Variants in CALN1 observed in about 807,000 individuals in gnomAD.
CALN1 encodes the protein calcium-binding protein 8.
Under a neutral mutation model 30.6 loss-of-function variants are expected in CALN1, and 17 were observed. The ratio of observed to expected loss-of-function variants is 0.56; its 90% CI spans 0.38 to 0.83. CALN1 has a LOEUF of 0.83. Among genes scored for constraint, CALN1 ranks in the 40% least tolerant of loss-of-function variants. The pLI, the probability that CALN1 is intolerant of heterozygous loss-of-function variation, is 0.00. For missense variants in CALN1, 291 were observed against 354.9 expected, an observed-to-expected ratio of 0.82 and a Z score of 1.45; for synonymous variants, 156 against 131.4, an observed-to-expected ratio of 1.19 and a Z score of -1.28.
intron 2 of CALN1, among the ~76,000 whole-genome samples, chr7:72,370,778 G>A (rs1051533917): frequency 3.7e-4 from 56 of 152,058 alleles, no homozygotes; most frequent in Middle Eastern, 3.4e-3. Context: ...GCTGGGCATG[G>A]GCTCATGCCT....
At chr7:71,997,317 GAGAGT>G (rs1337617974) in intron 5 of CALN1, among the ~76,000 whole-genome samples, 19 of 152,160 alleles carry the variant, frequency 1.2e-4, no homozygotes, top group African/African-American at 3.9e-4. Context: ...TACTGGATAG[GAGAGT>G]AGAGGACAGA....
chr7:72,099,798 G>A (rs1338593845), intron 4 of CALN1, among the ~76,000 whole-genome samples: 2 of 152,142 alleles, frequency 1.3e-5, no homozygotes, highest in Non-Finnish European at 2.9e-5. Flanking sequence ...GCTTTTACGT[G>A]ATGGGTCACC....
At chr7:72,458,304 A>C in the CALN1 span, among the ~76,000 whole-genome samples, 6 of 30,744 alleles carry the variant, frequency 2.0e-4, no homozygotes, top group African/African-American at 9.6e-4. Flanking sequence ...ATTCTATATT[A>C]TATAATATAT....
At chr7:72,155,551 C>CA (rs1787605352) in intron 3 of CALN1, among the ~76,000 whole-genome samples, 1 of 151,932 alleles carries the variant, frequency 6.6e-6, no homozygotes, top group African/African-American at 2.4e-5. Context: ...TTAAGCCACC[C>CA]ATTCTGTGAC....
rs113816688 is a variant in CALN1, at chr7:71,825,459, G to A, written c.502-14967C>T. Among the ~76,000 whole-genome samples, 132 of 152,144 alleles carry A rather than the reference G, an allele frequency of 8.7e-4. 1 individual carries two copies. Among genetic ancestry groups the A allele is most frequent in the African/African-American group, 2.8e-3 (118 of 41,538 alleles). On this transcript the variant is annotated intron_variant, in intron 5 of 6. Coordinates refer to ENST00000395275, the MANE Select transcript of CALN1 (RefSeq NM_031468.4). ...GTGGCTTTTATCATCGTATTAGTCC[G>A]TTTTCATGTTCTTCTAATGAAGACA...
chr7:72,104,848 T>C (rs1043479002), intron 4 of CALN1, among the ~76,000 whole-genome samples: 1 of 151,954 alleles, frequency 6.6e-6, no homozygotes, highest in Non-Finnish European at 1.5e-5. Flanking sequence ...TCCCAGCTAC[T>C]CTGAAAGGCT....
rs386410439 is a variant in CALN1 at position 72,197,178 on chromosome 7, C to CTTTTTTT, written c.244+81501_244+81507dup. ...TTTTCATTGTCAAATGGAAGGTTTG[C>CTTTTTTT]TTTTTTTTTTTTTTTTTTTTTTTTG... is the stretch of plus-strand genomic sequence containing the variant. On this transcript the variant is annotated intron_variant, in intron 3 of 6. Transcript: ENST00000395275. Among the ~76,000 whole-genome samples the CTTTTTTT allele has an allele frequency of 1.0e-3, 66 of 64,216 alleles. 9 individuals carry two copies. Among genetic ancestry groups the CTTTTTTT allele is most frequent in the East Asian group, 4.4e-3 (8 of 1,802 alleles). 42.1% of individuals were successfully genotyped at this position (64,216 alleles called of 152,430 possible).
intron 3 of CALN1, among the ~76,000 whole-genome samples, chr7:72,209,327 T>TC (rs1214496577): frequency 7.5e-4 from 17 of 22,674 alleles, no homozygotes; most frequent in Non-Finnish European, 1.1e-3. Context: ...CCTCCTTCCC[T>TC]CTTTCCTTCC....
chr7:72,271,454 T>C (rs1796964286), intron 3 of CALN1, among the ~76,000 whole-genome samples: 1 of 150,476 alleles, frequency 6.6e-6, no homozygotes, highest in South Asian at 2.1e-4. Context: ...GGGAGTGCCA[T>C]GGCACAATCA....
the CALN1 span, among the ~76,000 whole-genome samples, chr7:72,492,846 C>T: frequency 3.8e-3 from 585 of 152,286 alleles, 8 homozygotes; most frequent in African/African-American, 9.4e-3. Flanking sequence ...CTATCCAGGA[C>T]GTATGGACAA....
At chr7:72,149,055 G>A (rs1419761532) in intron 3 of CALN1, among the ~76,000 whole-genome samples, 2 of 152,088 alleles carry the variant, frequency 1.3e-5, no homozygotes, top group Admixed American at 6.6e-5. Flanking sequence ...CTCTCGCTCT[G>A]TGTTATGCTG....
At chr7:71,807,838 G>T (rs1231497936) in intron 6 of CALN1, among the ~76,000 whole-genome samples, 1 of 152,148 alleles carries the variant, frequency 6.6e-6, no homozygotes, top group Non-Finnish European at 1.5e-5. Flanking sequence ...CATTTTGGGA[G>T]GCCGAGGTGG....
At chr7:72,406,124 C>A (rs928794455) in intron 1 of CALN1, among the ~76,000 whole-genome samples, 2 of 152,184 alleles carry the variant, frequency 1.3e-5, no homozygotes, top group African/African-American at 4.8e-5. Context: ...GCCAGGGGAC[C>A]CAAAATGGAG....
chr7:72,164,042 C>A (rs984266593), intron 3 of CALN1, among the ~76,000 whole-genome samples: 1 of 152,116 alleles, frequency 6.6e-6, no homozygotes, highest in Non-Finnish European at 1.5e-5. Flanking sequence ...GTAGGATGGA[C>A]TCTAATCCAA....
intron 4 of CALN1, among the ~76,000 whole-genome samples, chr7:72,054,454 T>C (rs13307499): frequency 8.8e-6 from 1 of 113,184 alleles, no homozygotes; most frequent in African/African-American, 3.4e-5. Flanking sequence ...TATACATATA[T>C]ATACATATAT....
chr7:71,841,092 A>T (rs1789914218), intron 5 of CALN1, among the ~76,000 whole-genome samples: 1 of 152,210 alleles, frequency 6.6e-6, no homozygotes, highest in Non-Finnish European at 1.5e-5. Flanking sequence ...GTTAGGTAAC[A>T]AACAGAGGCT....
chr7:72,187,882 A>T (rs2129546593), intron 3 of CALN1, among the ~76,000 whole-genome samples: 1 of 152,258 alleles, frequency 6.6e-6, no homozygotes, highest in East Asian at 1.9e-4. Context: ...ATTTTCAAAA[A>T]CTTATCCTGC....
At chr7:72,405,279 CACAT>C (rs1271072302) in intron 1 of CALN1, among the ~76,000 whole-genome samples, 2 of 152,234 alleles carry the variant, frequency 1.3e-5, no homozygotes, top group Non-Finnish European at 2.9e-5. Flanking sequence ...TGGCCTCAAA[CACAT>C]ACATGCACAC....
intron 3 of CALN1, among the ~76,000 whole-genome samples, chr7:72,127,981 T>C (rs1808883747): frequency 6.6e-6 from 1 of 151,730 alleles, no homozygotes. Context: ...TGAAAAAAAA[T>C]GGTGGGGGCA....
Sources: allele counts gnomAD v4.1 joint callset (sites outside exome capture counted in the v4.1 genomes callset), GRCh38; gene constraint gnomAD v4.1.1; transcripts MANE v1.5; gene names NCBI Gene and HGNC (gene_info 2026-07-23, HGNC 2026-07-21).